The following SLC16A9 variants were observed in gnomAD, a reference collection of about 807,000 sequenced individuals.
The protein encoded by SLC16A9 is monocarboxylate transporter 9.
SLC16A9 carries 26 observed loss-of-function variants against 44.3 expected under a neutral mutation model. That is an observed-to-expected ratio of 0.59 (90% CI 0.43 to 0.81). The LOEUF (loss-of-function observed/expected upper bound fraction) is 0.81. Among genes scored for constraint, SLC16A9 ranks in the 40% least tolerant of loss-of-function variants. SLC16A9 has a pLI of 0.00. For synonymous variants in SLC16A9, 230 were observed against 225.1 expected (o/e 1.02, Z -0.19); for missense variants, 559 against 595.8 (o/e 0.94, Z 0.64).
intron 3 of SLC16A9, among the ~76,000 whole-genome samples, chr10:59,668,136 C>T (rs1020041431): frequency 1.3e-5 from 2 of 152,090 alleles, no homozygotes; most frequent in Admixed American, 1.3e-4. Context: ...ACTTTTCCCA[C>T]CAATCTGTCT....
intron 3 of SLC16A9, among the ~76,000 whole-genome samples, chr10:59,670,164 T>C (rs753588080): frequency 6.6e-6 from 1 of 152,164 alleles, no homozygotes; most frequent in Non-Finnish European, 1.5e-5. Flanking sequence ...GCTGTATGGG[T>C]CAGAAAGGAA....
chr10:59,672,421 A>T (rs78666138), intron 3 of SLC16A9, among the ~76,000 whole-genome samples: 4,543 of 152,268 alleles, frequency 0.03, 216 homozygotes, highest in African/African-American at 0.1. Context: ...CCAATAGGAA[A>T]AGGGCCACTT....
intron 1 of SLC16A9, among the ~76,000 whole-genome samples, chr10:59,690,012 C>T (rs1240275698): frequency 6.6e-6 from 1 of 152,024 alleles, no homozygotes. Context: ...TATAGAAATG[C>T]AGCAAGATAA....
At chr10:59,709,244 G>A (rs1803167829) in intron 1 of SLC16A9, among the ~76,000 whole-genome samples, 2 of 152,062 alleles carry the variant, frequency 1.3e-5, no homozygotes, top group African/African-American at 2.4e-5. Flanking sequence ...TCGGATTCCC[G>A]GGAAAACTTG....
intron 2 of SLC16A9, among the ~76,000 whole-genome samples, chr10:59,678,540 C>CTTTTTTTTTTTT (rs1426559419): frequency 8.1e-4 from 18 of 22,338 alleles, no homozygotes; most frequent in African/African-American, 1.7e-3. Context: ...TTTTCTTTTT[C>CTTTTTTTTTTTT]TTTTTCTTTT....
chr10:59,701,450 C>T (rs374587750), intron 1 of SLC16A9, among the ~76,000 whole-genome samples: 11 of 152,282 alleles, frequency 7.2e-5, no homozygotes, highest in African/African-American at 2.2e-4. Context: ...CCACAGTTTA[C>T]CCATTAGCAG....
intron 3 of SLC16A9, among the ~76,000 whole-genome samples, chr10:59,664,856 C>T (rs1011905368): frequency 1.3e-5 from 2 of 152,168 alleles, no homozygotes; most frequent in African/African-American, 2.4e-5. Context: ...AAATTTGTAT[C>T]TGTAAGTCTT....
Position 59,664,334 on chromosome 10 carries a change from A to C in SLC16A9, c.341-12T>G. 3 of 1,575,008 alleles carry C rather than the reference A, an allele frequency of 1.9e-6. No homozygotes were observed. The East Asian group carries it at 6.7e-5, about 35-fold the overall frequency. On this transcript the variant is annotated splice_polypyrimidine_tract_variant and intron_variant, in intron 3 of 5. Coordinates refer to ENST00000395348, the MANE Select transcript of SLC16A9 (RefSeq NM_194298.3). ...ACCACATCCAAGACCTAAGCATGAG[A>C]AGACATTGCATAAATTAAGACGCTG...
At chr10:59,675,569 C>T (rs925794288) in intron 2 of SLC16A9, among the ~76,000 whole-genome samples, 4 of 152,200 alleles carry the variant, frequency 2.6e-5, no homozygotes, top group Non-Finnish European at 5.9e-5. Flanking sequence ...TGATCAGCAG[C>T]TTCCCAATAA....
chr10:59,662,633 C>CAAAAAAAAAAAAAAAA (rs71006278), intron 4 of SLC16A9, among the ~76,000 whole-genome samples: 67 of 43,578 alleles, frequency 1.5e-3, no homozygotes, highest in Middle Eastern at 0.023. Flanking sequence ...AACTCCATCT[C>CAAAAAAAAAAAAAAAA]AAAAAAAAAA....
At chr10:59,670,963 A>T (rs1328153757) in intron 3 of SLC16A9, among the ~76,000 whole-genome samples, 1 of 152,142 alleles carries the variant, frequency 6.6e-6, no homozygotes, top group African/African-American at 2.4e-5. Flanking sequence ...GTGGTGAGAG[A>T]TATTTTTATT....
intron 3 of SLC16A9, among the ~76,000 whole-genome samples, chr10:59,671,365 C>A (rs1839745737): frequency 6.6e-6 from 1 of 152,156 alleles, no homozygotes; most frequent in Non-Finnish European, 1.5e-5. Context: ...GTGAGTCTTT[C>A]CCCAGAGAGA....
intron 1 of SLC16A9, among the ~76,000 whole-genome samples, chr10:59,700,318 T>C (rs1034971579): frequency 2.0e-5 from 3 of 152,220 alleles, no homozygotes; most frequent in Non-Finnish European, 1.5e-5. Context: ...TGACAAATGC[T>C]GACTTTGTCT....
At chr10:59,697,782 A>T (rs1447924053) in intron 1 of SLC16A9, among the ~76,000 whole-genome samples, 1 of 150,548 alleles carries the variant, frequency 6.6e-6, no homozygotes, top group Non-Finnish European at 1.5e-5. Flanking sequence ...AAAAAATAAA[A>T]AAATAAAAAA....
At chr10:59,660,718 T>C (rs1447016696) in intron 4 of SLC16A9, among the ~76,000 whole-genome samples, 2 of 152,084 alleles carry the variant, frequency 1.3e-5, no homozygotes, top group African/African-American at 4.8e-5. Context: ...AATTTCAGGC[T>C]AATATCCCTG....
Position 59,653,701 on chromosome 10 carries a change from C to G in SLC16A9, c.1325G>C (p.Gly442Ala), listed in dbSNP as rs763844029. 6.2e-7 allele frequency: 1 copy of G among 1,613,564 alleles called. No homozygotes were observed. The highest frequency in any genetic ancestry group is 8.5e-7 in the Non-Finnish European group (1 of 1,179,736). The change falls in exon 5 of 6, where the codon GGA becomes GCA. Residue 442 changes from glycine to alanine, a missense_variant. Physicochemically the swap from Gly to Ala is moderately conservative, Grantham distance 60. Transcript: ENST00000395348. ...YGILMFFAGL[G>A]NSLGPPIVGW... ...AACGATGGGTGGTCCTAGGCTATTTCCAAGTCCAGCAAAGAACATTAATAT... is the reference window on the plus strand; with the variant it reads ...AACGATGGGTGGTCCTAGGCTATTTGCAAGTCCAGCAAAGAACATTAATAT...
chr10:59,695,206 CG>C (rs1240114617), intron 1 of SLC16A9, among the ~76,000 whole-genome samples: 2 of 151,708 alleles, frequency 1.3e-5, no homozygotes, highest in Admixed American at 1.3e-4. Context: ...GAGGTTTCTT[CG>C]GGGGTGATGA....
chr10:59,678,621 G>T (rs1222076646), intron 2 of SLC16A9, among the ~76,000 whole-genome samples: 2 of 126,468 alleles, frequency 1.6e-5, no homozygotes, highest in African/African-American at 5.9e-5. Context: ...TCGGCTCACT[G>T]CAAGCTCCGC....
At chr10:59,706,658 G>A (rs1422235206) in intron 1 of SLC16A9, among the ~76,000 whole-genome samples, 3 of 31,246 alleles carry the variant, frequency 9.6e-5, no homozygotes, top group East Asian at 5.9e-3. Flanking sequence ...CACACAATAG[G>A]AGACTAATTC....
Sources: gnomAD v4.1 joint callset for allele counts (sites outside exome capture counted in the v4.1 genomes callset) on GRCh38, gnomAD v4.1.1 for gene constraint, MANE v1.5 for transcripts, NCBI Gene and HGNC (gene_info 2026-07-23, HGNC 2026-07-21) for gene names.